The following NDUFC1 variants were observed in gnomAD, a reference collection of about 807,000 sequenced individuals.
NDUFC1 encodes the protein NADH dehydrogenase [ubiquinone] 1 subunit C1, mitochondrial.
NDUFC1 carries 11 observed loss-of-function variants against 11.6 expected under a neutral mutation model. The observed-to-expected ratio is 0.95, with a 90% CI of 0.60 to 1.58. NDUFC1 has a LOEUF of 1.58. NDUFC1 is among the 40% of genes most tolerant of loss of function. The probability of loss-of-function intolerance (pLI) is 0.00; values close to 1 mark genes in which losing one functional copy is unlikely to be tolerated. For missense variants in NDUFC1, 112 were observed against 93.0 expected, an observed-to-expected ratio of 1.20 and a Z score of -0.84; for synonymous variants, 52 against 42.2, an observed-to-expected ratio of 1.23 and a Z score of -0.90.
At chr4:139,294,033 C>T (rs1467512715) in intron 4 of NDUFC1, among the ~76,000 whole-genome samples, 1 of 149,542 alleles carries the variant, frequency 6.7e-6, no homozygotes, top group East Asian at 2.0e-4. Context: ...GCTCCACCTC[C>T]CGGGTTCACA....
At chr4:139,302,003 G>A (rs1202192926) in intron 1 of NDUFC1, 9 of 631,292 alleles carry the variant, frequency 1.4e-5, no homozygotes, top group Non-Finnish European at 2.3e-5. Context: ...TCCTACTATG[G>A]CCCGCGCGCC....
intron 1 of NDUFC1, chr4:139,300,707 G>A (rs912735775): frequency 6.6e-6 from 1 of 152,190 alleles, no homozygotes; most frequent in Non-Finnish European, 1.5e-5. Context: ...GAGAATTTCT[G>A]GGGATGGGGA....
At chr4:139,292,686 A>G in intron 4 of NDUFC1, 77 bp from the exon 5 acceptor site, 1 of 937,222 alleles carries the variant, frequency 1.1e-6, no homozygotes, top group South Asian at 2.0e-5. Context: ...ATAAGGATAG[A>G]AAAAATAAAC....
intron 1 of NDUFC1, among the ~76,000 whole-genome samples, chr4:139,299,281 T>C (rs906903270): frequency 6.6e-6 from 1 of 151,756 alleles, no homozygotes; most frequent in Non-Finnish European, 1.5e-5. Flanking sequence ...TTTTTTTTTT[T>C]AAATAAGATC....
At chr4:139,294,593 G>A (rs1406676958) in intron 4 of NDUFC1, among the ~76,000 whole-genome samples, 1 of 151,908 alleles carries the variant, frequency 6.6e-6, no homozygotes, top group African/African-American at 2.4e-5. Flanking sequence ...AAATTAGCCG[G>A]GCGTGGTGGC....
chr4:139,298,438 CAAAA>C (rs147060181), intron 1 of NDUFC1, among the ~76,000 whole-genome samples: 64 of 84,318 alleles, frequency 7.6e-4, no homozygotes, highest in South Asian at 1.7e-3. Flanking sequence ...AACTCTGTCT[CAAAA>C]AAAAAAAAAA....
At chr4:139,293,928 G>T (rs1453274926) in intron 4 of NDUFC1, among the ~76,000 whole-genome samples, 14 of 118,054 alleles carry the variant, frequency 1.2e-4, no homozygotes, top group South Asian at 2.8e-4. Context: ...CATGTGGTGT[G>T]AATTTTTTTT....
chr4:139,296,802 G>A (rs1376043100), intron 2 of NDUFC1, among the ~76,000 whole-genome samples: 1 of 152,130 alleles, frequency 6.6e-6, no homozygotes, highest in Non-Finnish European at 1.5e-5. Context: ...ATAGGTAACA[G>A]ACAATACATT....
At chr4:139,293,072 G>A (rs1329901702) in intron 4 of NDUFC1, among the ~76,000 whole-genome samples, 3 of 152,010 alleles carry the variant, frequency 2.0e-5, no homozygotes, top group Non-Finnish European at 2.9e-5. Context: ...CACCCGCCTC[G>A]GCCTCCCAAA....
At chr4:139,301,158 T>A (rs1430407617) in intron 1 of NDUFC1, 1 of 180,250 alleles carries the variant, frequency 5.5e-6, no homozygotes, top group African/African-American at 2.3e-5. Context: ...CACCTACACC[T>A]GTATTTTAGC....
chr4:139,295,168 T>C, intron 3 of NDUFC1, 22 bp from the exon 4 acceptor site: 1 of 1,595,782 alleles, frequency 6.3e-7, no homozygotes, highest in African/African-American at 1.3e-5. Context: ...AGAGGGTCTG[T>C]AAATTTGTAA....
chr4:139,301,497 G>A (rs962882684), intron 1 of NDUFC1: 152 of 448,922 alleles, frequency 3.4e-4, no homozygotes, highest in Non-Finnish European at 5.5e-4. Flanking sequence ...CTCCGCGTCC[G>A]CCATTTTGGC....
chr4:139,301,850 G>A (rs1745768170), intron 1 of NDUFC1: 15 of 1,581,152 alleles, frequency 9.5e-6, no homozygotes, highest in Non-Finnish European at 1.3e-5. Context: ...GAGGCTCCGG[G>A]CAAGCGGTGG....
At chr4:139,293,156 T>G (rs532973400) in intron 4 of NDUFC1, among the ~76,000 whole-genome samples, 1 of 152,268 alleles carries the variant, frequency 6.6e-6, no homozygotes, top group Admixed American at 6.5e-5. Flanking sequence ...AAATTTTACC[T>G]CATTTGGTGG....
chr4:139,297,044 T>A (rs1745501630), intron 2 of NDUFC1, among the ~76,000 whole-genome samples: 1 of 152,196 alleles, frequency 6.6e-6, no homozygotes, highest in Non-Finnish European at 1.5e-5. Context: ...TGTAACCTAG[T>A]TTGAGCCTCC....
intron 1 of NDUFC1, chr4:139,301,311 C>T: frequency 2.6e-6 from 1 of 392,068 alleles, no homozygotes. Flanking sequence ...CGTAGCTCCG[C>T]GGGCGCTTCG....
In NDUFC1 at chr4:139,295,803, C is replaced by G. The variant is rs1745444669; in HGVS notation, c.-5G>C. The G allele has an allele frequency of 6.5e-7, 1 of 1,544,142 alleles. No individual in the cohort carries two copies. Among genetic ancestry groups the G allele is most frequent in the Non-Finnish European group, 8.7e-7 (1 of 1,145,344 alleles). Reference sequence around the variant, plus strand: ...CAGCAAGGCGGACGGCGCCATCTTGCGTGGCCCAGCTCAGTCTCTCCGAGT... The same window carrying G: ...CAGCAAGGCGGACGGCGCCATCTTGGGTGGCCCAGCTCAGTCTCTCCGAGT... On this transcript the variant is annotated 5_prime_UTR_variant, in exon 3 of 6. Transcript: ENST00000394223.
intron 5 of NDUFC1, among the ~76,000 whole-genome samples, chr4:139,292,117 G>A (rs974891470): frequency 6.6e-6 from 1 of 152,122 alleles, no homozygotes; most frequent in Non-Finnish European, 1.5e-5. Context: ...GATTACAGGC[G>A]TGAGCCACCG....
rs540677360 is a variant in NDUFC1, at chr4:139,295,791, G to A, written c.8C>T (p.Pro3Leu). ...GGAAAGGGGACGCAGCAAGGCGGAC[G>A]GCGCCATCTTGCGTGGCCCAGCTCA... The part of the protein sequence containing the change: MA[P>L]SALLRPLSRL... The change falls in exon 3 of 6, where the codon CCG becomes CTG. Residue 3 changes from proline to leucine, a missense_variant. Pro to Leu is a moderately conservative substitution (Grantham distance 98). Coordinates refer to ENST00000394223, the MANE Select transcript of NDUFC1 (RefSeq NM_001184989.2). 2 of 1,546,444 alleles carry A rather than the reference G, an allele frequency of 1.3e-6. No individual in the cohort carries two copies. Among genetic ancestry groups the A allele is most frequent in the Admixed American group, 2.1e-5 (1 of 48,564 alleles).
Sources: allele counts gnomAD v4.1 joint callset (sites outside exome capture counted in the v4.1 genomes callset), GRCh38; gene constraint gnomAD v4.1.1; transcripts MANE v1.5; gene names NCBI Gene and HGNC (gene_info 2026-07-23, HGNC 2026-07-21).